Variants in PACSIN2 observed in about 807,000 individuals in gnomAD.
PACSIN2 encodes protein kinase C and casein kinase substrate in neurons protein 2.
PACSIN2 carries 25 observed loss-of-function variants against 63.8 expected under a neutral mutation model. The observed-to-expected ratio is 0.39, with a 90% CI of 0.29 to 0.55. The LOEUF is 0.55. PACSIN2 is among the 20% of genes least tolerant of loss of function. The probability of loss-of-function intolerance (pLI) is 0.62; values close to 1 mark genes in which losing one functional copy is unlikely to be tolerated. For missense variants in PACSIN2, 518 were observed against 646.9 expected, an observed-to-expected ratio of 0.80 and a Z score of 2.16; for synonymous variants, 255 against 256.2, an observed-to-expected ratio of 1.00 and a Z score of 0.05.
intron 1 of PACSIN2, among the ~76,000 whole-genome samples, chr22:42,951,160 C>T (rs907493967): frequency 1.8e-4 from 27 of 152,102 alleles, no homozygotes; most frequent in African/African-American, 5.1e-4. Context: ...TAAGGCAGCA[C>T]GTGGGCACCT....
intron 3 of PACSIN2, among the ~76,000 whole-genome samples, chr22:42,892,613 C>T (rs571848603): frequency 6.6e-6 from 1 of 152,348 alleles, no homozygotes; most frequent in Non-Finnish European, 1.5e-5. Flanking sequence ...TAGGCCCCTC[C>T]TCTGCCACGT....
At chr22:42,929,608 T>C (rs866604516) in intron 1 of PACSIN2, among the ~76,000 whole-genome samples, 1 of 152,214 alleles carries the variant, frequency 6.6e-6, no homozygotes, top group African/African-American at 2.4e-5. Flanking sequence ...GTTCTTTTGT[T>C]CACCTTTTAG....
intron 1 of PACSIN2, among the ~76,000 whole-genome samples, chr22:42,927,555 T>TTTTATTTATTTA (rs574629308): frequency 1.6e-4 from 24 of 147,782 alleles, no homozygotes; most frequent in African/African-American, 5.5e-4. Context: ...GGCCCCAGTC[T>TTTTATTTATTTA]TTTATTTATT....
chr22:42,874,994 G>A (rs1411513214), intron 10 of PACSIN2, among the ~76,000 whole-genome samples: 1 of 152,052 alleles, frequency 6.6e-6, no homozygotes, highest in Non-Finnish European at 1.5e-5. Context: ...GGGACTACAG[G>A]CGGCTGCCAC....
chr22:43,003,485 C>A (rs1339242244), intron 1 of PACSIN2, among the ~76,000 whole-genome samples: 1 of 152,140 alleles, frequency 6.6e-6, no homozygotes. Flanking sequence ...CACCTGTAGT[C>A]CCAGCTACTT....
intron 4 of PACSIN2, among the ~76,000 whole-genome samples, chr22:42,890,136 G>T (rs1929798074): frequency 6.6e-6 from 1 of 151,826 alleles, no homozygotes; most frequent in Non-Finnish European, 1.5e-5. Flanking sequence ...TGAGTAGCTG[G>T]AACTACAGGT....
At chr22:42,875,429 G>T (rs1183228755) in intron 10 of PACSIN2, among the ~76,000 whole-genome samples, 1 of 152,052 alleles carries the variant, frequency 6.6e-6, no homozygotes, top group Non-Finnish European at 1.5e-5. Flanking sequence ...GAGTATAGTG[G>T]TACAATCATG....
At chr22:43,012,631 T>C (rs1385542167) in intron 1 of PACSIN2, among the ~76,000 whole-genome samples, 1 of 151,826 alleles carries the variant, frequency 6.6e-6, no homozygotes, top group African/African-American at 2.4e-5. Flanking sequence ...AGATTACACG[T>C]GTGCACCACT....
intron 1 of PACSIN2, among the ~76,000 whole-genome samples, chr22:42,926,437 C>A (rs1331515915): frequency 1.3e-5 from 2 of 152,094 alleles, no homozygotes; most frequent in Non-Finnish European, 2.9e-5. Flanking sequence ...GAAACCATCA[C>A]CGAAAACCAG....
chr22:42,896,649 A>G (rs780962513), intron 2 of PACSIN2, among the ~76,000 whole-genome samples: 4 of 152,222 alleles, frequency 2.6e-5, no homozygotes, highest in African/African-American at 4.8e-5. Context: ...GTGAATACCT[A>G]GGAATGGAAA....
rs557817788 is a variant in PACSIN2, at chr22:42,879,016, G to A, written c.1028+32C>T. On this transcript the variant is annotated intron_variant, in intron 8 of 10. Transcript: ENST00000263246. ...TGCCCAGGGCCCCCACCATGGAACG[G>A]CCTCTTTTGGATGGAGGTGGCGCCC... The A allele has an allele frequency of 7.5e-6, 12 of 1,602,024 alleles. 1 individual carries two copies. The East Asian group carries it at 1.1e-4, about 15-fold the overall frequency.
chr22:42,918,304 G>C (rs1228494225), intron 1 of PACSIN2, among the ~76,000 whole-genome samples: 2 of 152,152 alleles, frequency 1.3e-5, no homozygotes, highest in African/African-American at 4.8e-5. Flanking sequence ...CCCAAAGACA[G>C]CTATATTGCC....
intron 1 of PACSIN2, among the ~76,000 whole-genome samples, chr22:42,922,533 C>T (rs972082386): frequency 6.6e-6 from 1 of 152,238 alleles, no homozygotes; most frequent in Non-Finnish European, 1.5e-5. Context: ...TGCCACGGCC[C>T]GAGCACACCT....
At chr22:42,949,185 C>T (rs1933567664) in intron 1 of PACSIN2, among the ~76,000 whole-genome samples, 1 of 152,196 alleles carries the variant, frequency 6.6e-6, no homozygotes, top group African/African-American at 2.4e-5. Context: ...AAGCTACCTT[C>T]TTACCAGCAA....
At chr22:42,989,755 C>T (rs983949055) in intron 1 of PACSIN2, among the ~76,000 whole-genome samples, 4 of 150,948 alleles carry the variant, frequency 2.6e-5, no homozygotes, top group Admixed American at 6.6e-5. Flanking sequence ...GAGCTGAGAT[C>T]GCGCCACCGC....
intron 1 of PACSIN2, among the ~76,000 whole-genome samples, chr22:42,955,787 G>C (rs570102328): frequency 8.9e-4 from 135 of 152,328 alleles, no homozygotes; most frequent in African/African-American, 3.2e-3. Context: ...AGATGGGAAA[G>C]TAGTAACAAA....
At chr22:42,973,945 G>C (rs1921504642) in intron 1 of PACSIN2, among the ~76,000 whole-genome samples, 1 of 152,230 alleles carries the variant, frequency 6.6e-6, no homozygotes, top group Admixed American at 6.5e-5. Context: ...CAGAAGCGTA[G>C]CCTTAACTTG....
At chr22:43,010,433 G>A (rs1924409939) in intron 1 of PACSIN2, among the ~76,000 whole-genome samples, 1 of 135,260 alleles carries the variant, frequency 7.4e-6, no homozygotes, top group South Asian at 2.4e-4. Flanking sequence ...AGACCGGCCA[G>A]GCACGGTGGC....
At chr22:42,937,205 G>T (rs1171760111) in intron 1 of PACSIN2, among the ~76,000 whole-genome samples, 1 of 152,124 alleles carries the variant, frequency 6.6e-6, no homozygotes, top group Non-Finnish European at 1.5e-5. Context: ...AAAGGAGACT[G>T]CTTCTAAACA....
Sources: allele counts gnomAD v4.1 joint callset (sites outside exome capture counted in the v4.1 genomes callset), GRCh38; gene constraint gnomAD v4.1.1; transcripts MANE v1.5; gene names NCBI Gene and HGNC (gene_info 2026-07-23, HGNC 2026-07-21).